PARD3: variants seen among roughly 807,000 people sequenced by gnomAD.
PARD3 encodes the protein partitioning defective 3 homolog.
In PARD3, 75 loss-of-function variants were observed where a neutral mutation model predicts 155.4. That is an observed-to-expected ratio of 0.48 (90% CI 0.40 to 0.58). The LOEUF is 0.58. Among genes scored for constraint, PARD3 ranks in the 20% least tolerant of loss-of-function variants. The probability of loss-of-function intolerance (pLI) is 0.00; values close to 1 mark genes in which losing one functional copy is unlikely to be tolerated. For missense variants in PARD3, 1,642 were observed against 1,721.7 expected (o/e 0.95, Z 0.82); for synonymous variants, 576 against 610.5 (o/e 0.94, Z 0.83).
At chr10:34,652,661 C>T (rs1015617812) in intron 2 of PARD3, among the ~76,000 whole-genome samples, 2 of 152,196 alleles carry the variant, frequency 1.3e-5, no homozygotes, top group African/African-American at 2.4e-5. Context: ...TCACATCTCA[C>T]TCACACCTAA....
intron 2 of PARD3, among the ~76,000 whole-genome samples, chr10:34,562,424 A>G (rs1378865571): frequency 6.6e-6 from 1 of 152,050 alleles, no homozygotes; most frequent in Non-Finnish European, 1.5e-5. Flanking sequence ...CGACAGAGTA[A>G]GACTCTGTCT....
intron 2 of PARD3, among the ~76,000 whole-genome samples, chr10:34,606,157 TGTGTGTGTGTGTGTGTGTGTGTGTGTG>T (rs1350380399): frequency 1.4e-3 from 1 of 710 alleles, no homozygotes; most frequent in Non-Finnish European, 2.2e-3. Context: ...TAAAGGGAAA[TGTGTGTGTGTGTGTGTGTGTGTGTGTG>T]TGTGTGTGTG....
intron 2 of PARD3, among the ~76,000 whole-genome samples, chr10:34,621,022 C>T (rs1378807374): frequency 6.6e-6 from 1 of 152,158 alleles, no homozygotes; most frequent in African/African-American, 2.4e-5. Context: ...CCAGAGTGGG[C>T]CAGGGTGAAA....
At chr10:34,158,168 C>A (rs1949103796) in intron 22 of PARD3, among the ~76,000 whole-genome samples, 1 of 151,970 alleles carries the variant, frequency 6.6e-6, no homozygotes, top group South Asian at 2.1e-4. Flanking sequence ...CTCTTGAAGC[C>A]CAGAGTTTGA....
chr10:34,498,256 A>G (rs530937715), intron 3 of PARD3, among the ~76,000 whole-genome samples: 2 of 152,340 alleles, frequency 1.3e-5, no homozygotes, highest in South Asian at 4.1e-4. Context: ...CATTTGATTA[A>G]TAATTCTTTT....
rs191509880 is a variant in PARD3 at position 34,211,823 on chromosome 10, T to C, written c.3419+57834A>G. The stretch of plus-strand genomic sequence containing the variant: ...AAAGAAAAAGAAAAAGGAGTAGAGA[T>C]GCCTGTTCCTCTCCCCAGGAGTCTC... On this transcript the variant is annotated intron_variant, in intron 22 of 24. Coordinates refer to ENST00000374788, the MANE Select transcript of PARD3 (RefSeq NM_001184785.2). Among the ~76,000 whole-genome samples, 108 of 152,064 alleles carry C rather than the reference T, an allele frequency of 7.1e-4. 1 individual carries two copies. Among genetic ancestry groups the C allele is most frequent in the Non-Finnish European group, 3.2e-4 (22 of 67,970 alleles).
intron 18 of PARD3, among the ~76,000 whole-genome samples, chr10:34,333,422 G>A (rs1328933902): frequency 1.3e-5 from 2 of 152,048 alleles, no homozygotes; most frequent in Non-Finnish European, 2.9e-5. Flanking sequence ...TTTTGTAAGT[G>A]CAATTCAGAG....
chr10:34,216,328 A>C (rs1952001529), intron 22 of PARD3, among the ~76,000 whole-genome samples: 1 of 152,248 alleles, frequency 6.6e-6, no homozygotes, highest in Admixed American at 6.5e-5. Flanking sequence ...GAAATTTTAT[A>C]AATGGAACAC....
At chr10:34,721,891 A>G (rs1246824914) in intron 1 of PARD3, among the ~76,000 whole-genome samples, 1 of 152,240 alleles carries the variant, frequency 6.6e-6, no homozygotes, top group Non-Finnish European at 1.5e-5. Context: ...AATATTGTCT[A>G]AACAGGCTGG....
intron 19 of PARD3, among the ~76,000 whole-genome samples, chr10:34,330,468 T>C (rs984169051): frequency 9.9e-5 from 15 of 152,076 alleles, no homozygotes; most frequent in African/African-American, 2.4e-4. Context: ...AGTTTAGTTA[T>C]AGGAAAGAAT....
At chr10:34,437,514 T>G (rs1277504178) in intron 5 of PARD3, among the ~76,000 whole-genome samples, 1 of 152,140 alleles carries the variant, frequency 6.6e-6, no homozygotes, top group Non-Finnish European at 1.5e-5. Context: ...CATCCATGTT[T>G]TATATATTGA....
In PARD3 at chr10:34,157,215, C is replaced by G. The variant is rs548466022; in HGVS notation, c.3420-25632G>C. Reference sequence around the variant, plus strand: ...ATCCTGGCTTGGACAAGGCAAGGTTCCAAGGATGAAAATATCCCTCTGCTG... The same window carrying G: ...ATCCTGGCTTGGACAAGGCAAGGTTGCAAGGATGAAAATATCCCTCTGCTG... On this transcript the variant is annotated intron_variant, in intron 22 of 24. Coordinates refer to ENST00000374788, the MANE Select transcript of PARD3 (RefSeq NM_001184785.2). Among the ~76,000 whole-genome samples the G allele has an allele frequency of 3.9e-5, 6 of 152,300 alleles. No individual in the cohort carries two copies. The East Asian group carries it at 1.2e-3, about 29-fold the overall frequency.
intron 7 of PARD3, among the ~76,000 whole-genome samples, chr10:34,394,275 C>T (rs1242268440): frequency 6.6e-6 from 1 of 152,214 alleles, no homozygotes; most frequent in African/African-American, 2.4e-5. Context: ...ATCTGCCCAC[C>T]TTGGCCTCCC....
intron 1 of PARD3, among the ~76,000 whole-genome samples, chr10:34,769,169 G>C (rs1258065754): frequency 2.0e-5 from 3 of 152,142 alleles, no homozygotes; most frequent in Non-Finnish European, 4.4e-5. Flanking sequence ...GTCTGCACAG[G>C]GCTGATGGCA....
chr10:34,720,540 A>G lies in PARD3; in HGVS notation c.121-24121T>C, dbSNP rs1297528699. On this transcript the variant is annotated intron_variant, in intron 1 of 24. Coordinates refer to ENST00000374788, the MANE Select transcript of PARD3 (RefSeq NM_001184785.2). ...TAGCCAGGTGCATTGGCTCAGGCCT[A>G]TAATCTCAGCACTTTGGGAGGCTGA... is the stretch of plus-strand genomic sequence containing the variant. Among the ~76,000 whole-genome samples, 3 of 151,322 alleles carry G rather than the reference A, an allele frequency of 2.0e-5. No individual in the cohort carries two copies. In the Admixed American group the frequency reaches 2.0e-4, roughly 10 times the overall value.
intron 1 of PARD3, among the ~76,000 whole-genome samples, chr10:34,790,279 C>G (rs1431428212): frequency 6.6e-6 from 1 of 152,220 alleles, no homozygotes; most frequent in East Asian, 1.9e-4. Context: ...TCTACTTCCT[C>G]TGCTGGCACT....
intron 7 of PARD3, among the ~76,000 whole-genome samples, chr10:34,392,571 T>C (rs1842948976): frequency 6.6e-6 from 1 of 152,184 alleles, no homozygotes; most frequent in African/African-American, 2.4e-5. Context: ...CAGGGCCTGA[T>C]TTTCTAACTG....
chr10:34,742,225 C>T (rs1466659938), intron 1 of PARD3, among the ~76,000 whole-genome samples: 4 of 152,136 alleles, frequency 2.6e-5, no homozygotes, highest in African/African-American at 9.7e-5. Context: ...CAAACAATCA[C>T]AGAGTTTACA....
chr10:34,694,006 C>T (rs541172821), intron 2 of PARD3, among the ~76,000 whole-genome samples: 2 of 152,212 alleles, frequency 1.3e-5, no homozygotes, highest in Admixed American at 1.3e-4. Context: ...TCTCAAACAA[C>T]AGTGATAAGC....
Sources: gnomAD v4.1 joint callset for allele counts (sites outside exome capture counted in the v4.1 genomes callset) on GRCh38, gnomAD v4.1.1 for gene constraint, MANE v1.5 for transcripts, NCBI Gene and HGNC (gene_info 2026-07-23, HGNC 2026-07-21) for gene names.